The following CTBP2 variants were observed in gnomAD, a reference collection of about 807,000 sequenced individuals.
The protein encoded by CTBP2 is C-terminal binding protein 2.
In CTBP2, 30 loss-of-function variants were observed where a neutral mutation model predicts 80.3. The ratio of observed to expected loss-of-function variants is 0.37; its 90% CI spans 0.28 to 0.51. The LOEUF (loss-of-function observed/expected upper bound fraction) is 0.51, where lower values mean the gene tolerates loss of function less well. Among genes scored for constraint, CTBP2 ranks in the 20% least tolerant of loss-of-function variants. The pLI is 0.93. For missense variants in CTBP2, 1,212 were observed against 1,375.3 expected (o/e 0.88, Z 1.88); for synonymous variants, 594 against 587.4 (o/e 1.01, Z -0.16).
chr10:125,051,355 T>C (rs1446452329), intron 2 of CTBP2, among the ~76,000 whole-genome samples: 2 of 152,152 alleles, frequency 1.3e-5, no homozygotes, highest in Admixed American at 1.3e-4. Flanking sequence ...AAATACCTTT[T>C]CAGGCCAGGC....
At chr10:125,089,211 C>T (rs1040810970) in intron 2 of CTBP2, among the ~76,000 whole-genome samples, 5 of 152,056 alleles carry the variant, frequency 3.3e-5, no homozygotes, top group African/African-American at 9.7e-5. Context: ...AAATTTTAGG[C>T]GAGAATAAAA....
intron 1 of CTBP2, among the ~76,000 whole-genome samples, chr10:125,134,438 C>A (rs1240736789): frequency 6.6e-6 from 1 of 152,142 alleles, no homozygotes; most frequent in Non-Finnish European, 1.5e-5. Flanking sequence ...AATTCAGGTC[C>A]CTCTGCTTCC....
In CTBP2 at chr10:125,026,970, T is replaced by A. The variant is rs1307324680; in HGVS notation, c.790A>T (p.Ile264Phe). 1 of 1,614,074 alleles carries A rather than the reference T, an allele frequency of 6.2e-7. No homozygotes were observed. Among genetic ancestry groups the A allele is most frequent in the South Asian group, 1.1e-5 (1 of 91,088 alleles). The change falls in exon 1 of 9, where the codon ATC becomes TTC. Residue 264 changes from isoleucine to phenylalanine, a missense_variant. This residue lies in a region of CTBP2 where 848 missense variants were observed against 782.3 expected (regional missense o/e 1.08). Transcript: ENST00000309035. Reference sequence around the variant, plus strand: ...GTCTCGTAAGCCATCTTGGATGGGATGCTTTCCCGGGCAGGCCCGTAGCCA... The same window carrying A: ...GTCTCGTAAGCCATCTTGGATGGGAAGCTTTCCCGGGCAGGCCCGTAGCCA...
intron 2 of CTBP2, among the ~76,000 whole-genome samples, chr10:125,078,112 C>G (rs1176461768): frequency 6.6e-6 from 1 of 152,156 alleles, no homozygotes; most frequent in Non-Finnish European, 1.5e-5. Flanking sequence ...AACCCCGTCT[C>G]TACTAAAAAT....
chr10:125,062,854 A>G (rs1041288691), intron 2 of CTBP2, among the ~76,000 whole-genome samples: 12 of 152,358 alleles, frequency 7.9e-5, no homozygotes, highest in Non-Finnish European at 5.9e-5. Context: ...GCGAGACTCT[A>G]TCTCAAAAAA....
chr10:124,985,266 A>G lies in CTBP2; in HGVS notation c.*4252T>C, dbSNP rs1164214147. 2.9e-6 allele frequency: 1 copy of G among 343,600 alleles called. No individual in the cohort carries two copies. Among genetic ancestry groups the G allele is most frequent in the East Asian group, 4.9e-5 (1 of 20,542 alleles). 21.3% of individuals were successfully genotyped at this position (343,600 alleles called of 1,614,324 possible). On this transcript the variant is annotated 3_prime_UTR_variant, in exon 9 of 9. Transcript: ENST00000309035. ...TTCCAAATTGTAAATCTGTCTATAA[A>G]TGTAACGCATGTGGTTGTGTAAGAC...
At chr10:125,118,827 C>T (rs908342542) in intron 1 of CTBP2, among the ~76,000 whole-genome samples, 1 of 152,218 alleles carries the variant, frequency 6.6e-6, no homozygotes, top group Non-Finnish European at 1.5e-5. Context: ...AAGTAGAAAA[C>T]ACATCCCAAC....
At chr10:125,107,525 C>T (rs372583046) in intron 2 of CTBP2, among the ~76,000 whole-genome samples, 3 of 152,230 alleles carry the variant, frequency 2.0e-5, no homozygotes, top group Non-Finnish European at 4.4e-5. Context: ...TAATTCAATA[C>T]TTTCCTTCTG....
At chr10:124,991,903 G>GGGGGGT (rs1564999058) in intron 8 of CTBP2, among the ~76,000 whole-genome samples, 1 of 142,632 alleles carries the variant, frequency 7.0e-6, no homozygotes, top group Non-Finnish European at 1.5e-5. Context: ...TGGGGGGGGG[G>GGGGGGT]GTGTGGGAGA....
At chr10:125,152,929 C>G (rs918001521) in intron 1 of CTBP2, among the ~76,000 whole-genome samples, 5 of 152,186 alleles carry the variant, frequency 3.3e-5, no homozygotes, top group South Asian at 2.1e-4. Context: ...GGTCACCCCC[C>G]ACTGGGAAGA....
Position 125,027,584 on chromosome 10 carries a change from T to C in CTBP2, c.176A>G (p.Asp59Gly). Residue 59 changes from aspartate (D) to glycine (G), a missense_variant, in exon 1 of 9, where the codon GAC (aspartate) becomes GGC (glycine). Transcript: ENST00000309035. ...CTCGGCGGCCACGGGCAGGGCAGCGTCCTGTGGTCGGTGGTTTGGCTCAAA... is the reference window on the plus strand; with the variant it reads ...CTCGGCGGCCACGGGCAGGGCAGCGCCCTGTGGTCGGTGGTTTGGCTCAAA... 6.2e-7 allele frequency: 1 copy of C among 1,614,062 alleles called. No homozygotes were observed. The highest frequency in any genetic ancestry group is 8.5e-7 in the Non-Finnish European group (1 of 1,180,024).
chr10:125,110,213 C>T (rs1468128859), intron 2 of CTBP2, among the ~76,000 whole-genome samples: 1 of 152,220 alleles, frequency 6.6e-6, no homozygotes. Context: ...GTTTCCCTTG[C>T]TTTTGAATGA....
chr10:125,153,438 G>A (rs1330302347), intron 1 of CTBP2, among the ~76,000 whole-genome samples: 2 of 152,186 alleles, frequency 1.3e-5, no homozygotes, highest in Non-Finnish European at 2.9e-5. Flanking sequence ...TAGACTGCAC[G>A]AAAGACCATC....
intron 1 of CTBP2, among the ~76,000 whole-genome samples, chr10:125,140,548 T>C (rs915880984): frequency 1.3e-5 from 2 of 152,184 alleles, no homozygotes; most frequent in African/African-American, 4.8e-5. Context: ...AAGGGCCGGG[T>C]GCAGTGGCTC....
At chr10:125,125,457 T>A (rs536456603) in intron 1 of CTBP2, among the ~76,000 whole-genome samples, 34 of 152,342 alleles carry the variant, frequency 2.2e-4, no homozygotes, top group Non-Finnish European at 3.8e-4. Context: ...AACAGTCTGG[T>A]CTATTCTGCC....
intron 1 of CTBP2, among the ~76,000 whole-genome samples, chr10:125,008,676 A>G (rs922888435): frequency 1.3e-5 from 2 of 152,284 alleles, no homozygotes; most frequent in East Asian, 1.9e-4. Context: ...AGCTGTACAG[A>G]GTAAAGCAGA....
rs1198990291 is a variant in CTBP2, at chr10:125,027,926, C to T, written c.-167G>A. 1.1e-5 allele frequency: 15 copies of T among 1,421,146 alleles called. No individual in the cohort carries two copies. The highest frequency in any genetic ancestry group is 5.1e-4 in the Middle Eastern group (2 of 3,892). 88.0% of individuals were successfully genotyped at this position (1,421,146 alleles called of 1,614,324 possible). A position where few individuals can be genotyped will look rare whatever the true frequency, so the allele number is the denominator to read the frequency against. On this transcript the variant is annotated 5_prime_UTR_variant, in exon 1 of 9. Coordinates refer to ENST00000309035, the MANE Select transcript of CTBP2 (RefSeq NM_022802.3). Reference sequence around the variant, plus strand: ...AGCATGGCCTGAATTATTAATCCTCCGAAACCTTAGCAGACAAAACATAAG... The same window carrying T: ...AGCATGGCCTGAATTATTAATCCTCTGAAACCTTAGCAGACAAAACATAAG...
intron 1 of CTBP2, among the ~76,000 whole-genome samples, chr10:125,130,338 C>T (rs548418944): frequency 6.6e-6 from 1 of 152,316 alleles, no homozygotes; most frequent in Admixed American, 6.5e-5. Flanking sequence ...TGTGAGCCAC[C>T]ATGCCTGGCC....
intron 2 of CTBP2, among the ~76,000 whole-genome samples, chr10:125,057,432 C>T (rs890146234): frequency 1.3e-5 from 2 of 152,204 alleles, no homozygotes; most frequent in South Asian, 4.1e-4. Flanking sequence ...CAGGCCAAAC[C>T]CCGAGCTATG....
Sources: allele counts gnomAD v4.1 joint callset (sites outside exome capture counted in the v4.1 genomes callset), GRCh38; gene constraint gnomAD v4.1.1; regional missense constraint gnomAD v4.1.1; transcripts MANE v1.5; gene names NCBI Gene and HGNC (gene_info 2026-07-23, HGNC 2026-07-21).